LRRC57: variants seen among roughly 807,000 people sequenced by gnomAD.
LRRC57 encodes leucine-rich repeat-containing protein 57.
A neutral mutation model predicts 23.1 loss-of-function variants in LRRC57; 14 were observed. The ratio of observed to expected loss-of-function variants is 0.61; its 90% CI spans 0.40 to 0.95. LRRC57 has a LOEUF of 0.95. LRRC57 is among the 40% of genes least tolerant of loss of function. LRRC57 has a pLI of 0.00. For synonymous variants in LRRC57, 106 were observed against 115.2 expected (o/e 0.92, Z 0.51); for missense variants, 236 against 284.4 (o/e 0.83, Z 1.22).
In LRRC57 at chr15:42,544,143, T is replaced by C; in HGVS notation, c.679-19A>G. Reference sequence around the variant, plus strand: ...CCATGTACTAAAAAACATGAAAGAATACATAAGGGGTATTTTGGCATGAGT... The same window carrying C: ...CCATGTACTAAAAAACATGAAAGAACACATAAGGGGTATTTTGGCATGAGT... On this transcript the variant is annotated intron_variant, in intron 5 of 5. Coordinates refer to ENST00000397130, the MANE Select transcript of LRRC57 (RefSeq NM_153260.3). 1.2e-6 allele frequency: 2 copies of C among 1,602,298 alleles called. No homozygotes were observed. The highest frequency in any genetic ancestry group is 1.7e-6 in the Non-Finnish European group (2 of 1,172,726).
Position 42,543,638 on chromosome 15 carries a change from T to C in LRRC57, c.*445A>G, listed in dbSNP as rs1234054793. On this transcript the variant is annotated 3_prime_UTR_variant, in exon 6 of 6. Coordinates refer to ENST00000397130, the MANE Select transcript of LRRC57 (RefSeq NM_153260.3). ...ATCCATGCCAGCCTCTCACAAATTA[T>C]CTGAATTTCATAAAAATATGAAGTG... 2 of 155,990 alleles carry C rather than the reference T, an allele frequency of 1.3e-5. No homozygotes were observed. Among genetic ancestry groups the C allele is most frequent in the Non-Finnish European group, 2.8e-5 (2 of 70,760 alleles). 9.7% of individuals were successfully genotyped at this position (155,990 alleles called of 1,614,324 possible).
intron 3 of LRRC57, chr15:42,547,827 C>T: frequency 1.8e-6 from 1 of 546,556 alleles, no homozygotes; most frequent in East Asian, 3.1e-5. Flanking sequence ...ATCCATCCCC[C>T]ATTCCAAGTT....
At chr15:42,530,777 A>G in the LRRC57 span, among the ~76,000 whole-genome samples, 1 of 152,156 alleles carries the variant, frequency 6.6e-6, no homozygotes, top group African/African-American at 2.4e-5. Context: ...AGAAAGTCAT[A>G]CCTCATTAAA....
chr15:42,546,833 C>G (rs1351308899), intron 4 of LRRC57, among the ~76,000 whole-genome samples: 1 of 152,176 alleles, frequency 6.6e-6, no homozygotes, highest in Non-Finnish European at 1.5e-5. Context: ...GATGTCAAAA[C>G]CCCACACAAA....
At chr15:42,531,540 C>T in the LRRC57 span, 1 of 1,319,724 alleles carries the variant, frequency 7.6e-7, no homozygotes, top group Non-Finnish European at 1.1e-6. Flanking sequence ...AAAGTTATTA[C>T]CTTTTCAGAG....
rs1373906306 is a variant in LRRC57, at chr15:42,544,009, G to C, written c.*74C>G. 6.5e-6 allele frequency: 8 copies of C among 1,224,296 alleles called. No homozygotes were observed. Among genetic ancestry groups the C allele is most frequent in the Non-Finnish European group, 9.5e-6 (8 of 839,208 alleles). The allele number at this position is 1,224,296 out of a possible 1,614,324, so 75.8% of individuals were successfully genotyped here. A position where few individuals can be genotyped will look rare whatever the true frequency, so the allele number is the denominator to read the frequency against. On this transcript the variant is annotated 3_prime_UTR_variant, in exon 6 of 6. Transcript: ENST00000397130. The stretch of plus-strand genomic sequence containing the variant: ...GTAGATACCCCTAACAACAACAGGA[G>C]GCTTTGACTCAGCCACATTCCAACA...
Position 42,547,324 on chromosome 15 carries a change from A to G in LRRC57, c.429T>C (p.Ile143=). The change falls in exon 4 of 6, where the codon ATT becomes ATC. Residue 143 remains isoleucine, a synonymous_variant. Transcript: ENST00000397130. The stretch of plus-strand genomic sequence containing the variant: ...CTCCCACTGAGTCAGGTATACTTCG[A>G]ATCTGGTTCTTAGAGAGATCCATCA... ...LDVMDLSKNQ[I]RSIPDSVGEL... The G allele has an allele frequency of 6.2e-7, 1 of 1,614,178 alleles. No homozygotes were observed. The highest frequency in any genetic ancestry group is 8.5e-7 in the Non-Finnish European group (1 of 1,180,030).
In LRRC57 at chr15:42,538,188, T is replaced by C. The variant is rs1400920576; in HGVS notation, c.*5895A>G. 2.0e-5 allele frequency: 3 copies of C among 152,018 alleles called. No individual in the cohort carries two copies. Among genetic ancestry groups the C allele is most frequent in the Admixed American group, 2.0e-4 (3 of 15,254 alleles). 9.4% of individuals were successfully genotyped at this position (152,018 alleles called of 1,614,324 possible). A position where few individuals can be genotyped will look rare whatever the true frequency, so the allele number is the denominator to read the frequency against. ...TATGAACAAATATATATCAGAAAAA[T>C]AGTAAAGTGAAAAAGGAAAACAAAG... On this transcript the variant is annotated 3_prime_UTR_variant, in exon 6 of 6. Transcript: ENST00000397130.
intron 5 of LRRC57, among the ~76,000 whole-genome samples, chr15:42,544,446 G>A (rs1303953983): frequency 6.6e-6 from 1 of 151,964 alleles, no homozygotes; most frequent in Non-Finnish European, 1.5e-5. Flanking sequence ...GTTGAGATGG[G>A]AGGATCACTT....
rs2057609829 is a variant in LRRC57 at position 42,538,073 on chromosome 15, A to C, written c.*6010T>G. 6.6e-6 allele frequency: 1 copy of C among 152,240 alleles called. No individual in the cohort carries two copies. The highest frequency in any genetic ancestry group is 2.1e-4 in the South Asian group (1 of 4,832). 9.4% of individuals were successfully genotyped at this position (152,240 alleles called of 1,614,324 possible). ...AATGTTCCCAACACAAACAAATGATAAATGTTTGAGATAATGAATAACATA... is the reference window on the plus strand; with the variant it reads ...AATGTTCCCAACACAAACAAATGATCAATGTTTGAGATAATGAATAACATA... On this transcript the variant is annotated 3_prime_UTR_variant, in exon 6 of 6. Coordinates refer to ENST00000397130, the MANE Select transcript of LRRC57 (RefSeq NM_153260.3).
At position 42,543,957 on chromosome 15, in the gene LRRC57, AATCTCCTGAAGTATC is replaced by A; in HGVS notation, c.*111_*125del. ...GAGAAAAGATCATTGAGTGAAATAT[AATCTCCTGAAGTATC>A]ATCTCCTTACTGTAGATACCCCTAA... On this transcript the variant is annotated 3_prime_UTR_variant, in exon 6 of 6. Coordinates refer to ENST00000397130, the MANE Select transcript of LRRC57 (RefSeq NM_153260.3). 1 of 611,610 alleles carries A rather than the reference AATCTCCTGAAGTATC, an allele frequency of 1.6e-6. No homozygotes were observed. Among genetic ancestry groups the A allele is most frequent in the Non-Finnish European group, 2.9e-6 (1 of 346,016 alleles). 37.9% of individuals were successfully genotyped at this position (611,610 alleles called of 1,614,324 possible). A position where few individuals can be genotyped will look rare whatever the true frequency, so the allele number is the denominator to read the frequency against.
rs2057612233 is a variant in LRRC57 at position 42,538,587 on chromosome 15, A to T, written c.*5496T>A. On this transcript the variant is annotated 3_prime_UTR_variant, in exon 6 of 6. Transcript: ENST00000397130. ...TTTTTATCCTTTTAATGTAGTGTCC[A>T]CTCCAAGCCTTCTATTTCTGTACAA... The T allele has an allele frequency of 1.3e-5, 2 of 151,690 alleles. No homozygotes were observed. Among genetic ancestry groups the T allele is most frequent in the African/African-American group, 4.8e-5 (2 of 41,244 alleles). 9.4% of individuals were successfully genotyped at this position (151,690 alleles called of 1,614,324 possible).
chr15:42,548,504 C>A, intron 1 of LRRC57, 48 bp from the exon 2 acceptor site: 1 of 1,514,346 alleles, frequency 6.6e-7, no homozygotes, highest in Non-Finnish European at 9.0e-7. Flanking sequence ...CCCGGTCGGC[C>A]TCCCGGCTGG....
intron 4 of LRRC57, among the ~76,000 whole-genome samples, chr15:42,546,282 G>A (rs768118): frequency 0.047 from 7,129 of 152,194 alleles, 563 homozygotes; most frequent in African/African-American, 0.16. Flanking sequence ...CTTTAAACAA[G>A]CTTTTCTGGT....
rs911278831 is a variant in LRRC57, at chr15:42,539,688, A to G, written c.*4395T>C. On this transcript the variant is annotated 3_prime_UTR_variant, in exon 6 of 6. Transcript: ENST00000397130. ...TTCAAATCTGGGTCTTTAGACCACA[A>G]GCTAGTTTACTTGATTAGCTCATAT... is the stretch of plus-strand genomic sequence containing the variant. 4 of 152,152 alleles carry G rather than the reference A, an allele frequency of 2.6e-5. No individual in the cohort carries two copies. The highest frequency in any genetic ancestry group is 9.7e-5 in the African/African-American group (4 of 41,428). 9.4% of individuals were successfully genotyped at this position (152,152 alleles called of 1,614,324 possible).
In LRRC57 at chr15:42,548,764, C is replaced by G. The variant is rs959514135; in HGVS notation, c.-94G>C. Reference sequence around the variant, plus strand: ...ACCCGCAGTAGCCGGGATGCGCTCCCCGGCTTAGTCCCGGGCGGGAACGCC... The same window carrying G: ...ACCCGCAGTAGCCGGGATGCGCTCCGCGGCTTAGTCCCGGGCGGGAACGCC... On this transcript the variant is annotated 5_prime_UTR_variant, in exon 1 of 6. Transcript: ENST00000397130. 20 of 797,156 alleles carry G rather than the reference C, an allele frequency of 2.5e-5. No individual in the cohort carries two copies. Among genetic ancestry groups the G allele is most frequent in the Middle Eastern group, 3.7e-4 (1 of 2,704 alleles). 49.4% of individuals were successfully genotyped at this position (797,156 alleles called of 1,614,324 possible). A position where few individuals can be genotyped will look rare whatever the true frequency, so the allele number is the denominator to read the frequency against.
rs1256583979 is a variant in LRRC57 at position 42,544,836 on chromosome 15, C to CTATATATATATATATATAT, written c.678+240_678+241insATATATATATATATATATA. Among the ~76,000 whole-genome samples, 212 of 103,540 alleles carry CTATATATATATATATATAT rather than the reference C, an allele frequency of 2.0e-3. 2 individuals are homozygous for CTATATATATATATATATAT. Among genetic ancestry groups the CTATATATATATATATATAT allele is most frequent in the African/African-American group, 0.011 (196 of 18,088 alleles). 67.9% of individuals were successfully genotyped at this position (103,540 alleles called of 152,430 possible). ...TGTCTCACACACACACACACACACA[C>CTATATATATATATATATAT]ACACACTATATATATATATATATCA... On this transcript the variant is annotated intron_variant, in intron 5 of 5. Transcript: ENST00000397130.
Position 42,543,884 on chromosome 15 carries a change from G to C in LRRC57, c.*199C>G, listed in dbSNP as rs553099244. On this transcript the variant is annotated 3_prime_UTR_variant, in exon 6 of 6. Coordinates refer to ENST00000397130, the MANE Select transcript of LRRC57 (RefSeq NM_153260.3). ...TGACTCAAAACGGAAGACTTTTCCT[G>C]TCTCCTGATCCTTTTTCTTTTAGCT... The C allele has an allele frequency of 1.4e-4, 65 of 462,590 alleles. No homozygotes were observed. In the South Asian group the frequency reaches 3.5e-3, roughly 25 times the overall value. 28.7% of individuals were successfully genotyped at this position (462,590 alleles called of 1,614,324 possible). A position where few individuals can be genotyped will look rare whatever the true frequency, so the allele number is the denominator to read the frequency against.
At position 42,541,161 on chromosome 15, in the gene LRRC57, A is replaced by C. The variant is rs2057627312; in HGVS notation, c.*2922T>G. The C allele has an allele frequency of 6.6e-6, 1 of 152,188 alleles. No homozygotes were observed. Among genetic ancestry groups the C allele is most frequent in the African/African-American group, 2.4e-5 (1 of 41,440 alleles). The allele number at this position is 152,188 out of a possible 1,614,324, so 9.4% of individuals were successfully genotyped here. A position where few individuals can be genotyped will look rare whatever the true frequency, so the allele number is the denominator to read the frequency against. On this transcript the variant is annotated 3_prime_UTR_variant, in exon 6 of 6. Transcript: ENST00000397130. ...AAAATTTAGAAAAAACAAAACTCCT[A>C]AACTGGTATGGATAAACTAGTACCC...
Sources: allele counts gnomAD v4.1 joint callset (sites outside exome capture counted in the v4.1 genomes callset), GRCh38; gene constraint gnomAD v4.1.1; transcripts MANE v1.5; gene names NCBI Gene and HGNC (gene_info 2026-07-23, HGNC 2026-07-21).